FNTB: variants seen among roughly 807,000 people sequenced by gnomAD.
The protein encoded by FNTB is protein farnesyltransferase subunit beta.
A neutral mutation model predicts 59.4 loss-of-function variants in FNTB; 27 were observed. The ratio of observed to expected loss-of-function variants is 0.45; its 90% CI spans 0.34 to 0.63. FNTB has a LOEUF of 0.63. Among genes scored for constraint, FNTB ranks in the 20% least tolerant of loss-of-function variants. The pLI, the probability that FNTB is intolerant of heterozygous loss-of-function variation, is 0.02. For missense variants in FNTB, 449 were observed against 559.6 expected, an observed-to-expected ratio of 0.80 and a Z score of 1.99; for synonymous variants, 230 against 220.7, an observed-to-expected ratio of 1.04 and a Z score of -0.37.
intron 11 of FNTB, among the ~76,000 whole-genome samples, chr14:65,060,813 C>T (rs907291183): frequency 7.4e-6 from 1 of 135,606 alleles, no homozygotes; most frequent in Admixed American, 8.7e-5. Flanking sequence ...GCAGAGGTTG[C>T]AGTGAGCTAA....
In FNTB at chr14:65,014,330, A is replaced by G. The variant is rs1473349313; in HGVS notation, c.283-1295A>G. ...CATTTTGCCTTTGGAAGCCTTTCCT[A>G]GCTCCCCAGGCAGAATTAGTCAGTC... On this transcript the variant is annotated intron_variant, in intron 3 of 11. Coordinates refer to ENST00000246166, the MANE Select transcript of FNTB (RefSeq NM_002028.4). This position sits in a 1 kb window ranked among gnomAD's most constrained non-coding sequence, Gnocchi z 5.1. 6.6e-6 allele frequency among the ~76,000 whole-genome samples: 1 copy of G among 152,170 alleles called. No homozygotes were observed. The highest frequency in any genetic ancestry group is 1.5e-5 in the Non-Finnish European group (1 of 68,026).
chr14:65,044,941 G>A lies in FNTB; in HGVS notation c.955+498G>A, dbSNP rs1342219897. Among the ~76,000 whole-genome samples the A allele has an allele frequency of 2.6e-5, 4 of 152,148 alleles. No individual in the cohort carries two copies. In the South Asian group the frequency reaches 6.2e-4, roughly 24 times the overall value. On this transcript the variant is annotated intron_variant, in intron 9 of 11. Coordinates refer to ENST00000246166, the MANE Select transcript of FNTB (RefSeq NM_002028.4). This position sits in a 1 kb window ranked among gnomAD's most constrained non-coding sequence, Gnocchi z 5.5. ...CCCCTACACCATGGAGAAGAGACTC[G>A]CCGTGTCTGACTGGCTGCAGAGTTG...
intron 7 of FNTB, among the ~76,000 whole-genome samples, chr14:65,036,346 C>T (rs1443694752): frequency 1.3e-5 from 2 of 151,786 alleles, no homozygotes; most frequent in East Asian, 2.0e-4. Context: ...AAGTGATCCT[C>T]CTGCTTCAGC....
chr14:65,057,349 A>G (rs2062758901), intron 11 of FNTB, among the ~76,000 whole-genome samples: 2 of 152,182 alleles, frequency 1.3e-5, no homozygotes, highest in Admixed American at 1.3e-4. Flanking sequence ...GAATCGCTTG[A>G]GCCCAGGTAG....
In FNTB at chr14:64,991,768, A is replaced by T. The variant is rs1349780190; in HGVS notation, c.144+4671A>T. Among the ~76,000 whole-genome samples the T allele has an allele frequency of 6.6e-6, 1 of 152,114 alleles. No homozygotes were observed. Among genetic ancestry groups the T allele is most frequent in the African/African-American group, 2.4e-5 (1 of 41,406 alleles). ...GAACTGGGTGGGCTGTAAAAAATAG[A>T]GTTTGGGGCAGCCATTCAAGGAGGG... On this transcript the variant is annotated intron_variant, in intron 1 of 11. Coordinates refer to ENST00000246166, the MANE Select transcript of FNTB (RefSeq NM_002028.4). This position sits in a 1 kb window ranked among gnomAD's most constrained non-coding sequence, Gnocchi z 4.4.
chr14:65,004,933 G>T (rs1224315393), intron 2 of FNTB, among the ~76,000 whole-genome samples: 1 of 152,218 alleles, frequency 6.6e-6, no homozygotes, highest in East Asian at 1.9e-4. Flanking sequence ...AAAGTGCTGG[G>T]ATTACAGGCG....
At chr14:65,053,162 G>A (rs1403317374) in intron 9 of FNTB, 76 bp from the exon 10 acceptor site, 1 of 1,158,274 alleles carries the variant, frequency 8.6e-7, no homozygotes, top group African/African-American at 1.6e-5. Context: ...TATTCCCCCA[G>A]GTGAGAAAGT....
At chr14:65,055,789 T>A (rs890596515) in intron 11 of FNTB, among the ~76,000 whole-genome samples, 1 of 152,226 alleles carries the variant, frequency 6.6e-6, no homozygotes, top group Non-Finnish European at 1.5e-5. Flanking sequence ...GGTGCCAGGA[T>A]TACATGTGTG....
intron 7 of FNTB, among the ~76,000 whole-genome samples, chr14:65,036,401 T>G (rs2062194434): frequency 6.6e-6 from 1 of 151,026 alleles, no homozygotes; most frequent in African/African-American, 2.4e-5. Context: ...CACACCTGGC[T>G]AATTTTTGTG....
chr14:65,046,715 G>C (rs1043010127), intron 9 of FNTB, among the ~76,000 whole-genome samples: 2 of 152,098 alleles, frequency 1.3e-5, no homozygotes, highest in African/African-American at 4.8e-5. Context: ...AGTCAAAAGG[G>C]GATGCAGTGT....
chr14:64,987,408 C>T (rs1454488614), intron 1 of FNTB: 4 of 435,996 alleles, frequency 9.2e-6, no homozygotes, highest in East Asian at 8.9e-5. Context: ...CCGTGCGGGT[C>T]GGACAGCCCA....
intron 4 of FNTB, among the ~76,000 whole-genome samples, chr14:65,019,962 C>T (rs1442222436): frequency 6.6e-6 from 1 of 152,120 alleles, no homozygotes; most frequent in African/African-American, 2.4e-5. Context: ...GAAATGCGTT[C>T]AGTTTTCTTT....
chr14:65,036,277 C>T (rs1223415318), intron 7 of FNTB, among the ~76,000 whole-genome samples: 1 of 152,108 alleles, frequency 6.6e-6, no homozygotes, highest in African/African-American at 2.4e-5. Context: ...CACTTCGTCA[C>T]CCAGGCTGGA....
rs1390442867 is a variant in FNTB at position 65,028,741 on chromosome 14, A to G, written c.605+960A>G. Among the ~76,000 whole-genome samples, 1 of 152,254 alleles carries G rather than the reference A, an allele frequency of 6.6e-6. No homozygotes were observed. Among genetic ancestry groups the G allele is most frequent in the Non-Finnish European group, 1.5e-5 (1 of 68,034 alleles). On this transcript the variant is annotated intron_variant, in intron 6 of 11. Coordinates refer to ENST00000246166, the MANE Select transcript of FNTB (RefSeq NM_002028.4). The surrounding 1 kb of genome is among the most constrained non-coding windows in gnomAD (Gnocchi z 4.4). ...AAAAATTAGATTAGGATCTGTGTAT[A>G]CCAGTGAAACCAGTAGAACGACTGA...
At chr14:65,049,676 A>G (rs927436024) in intron 9 of FNTB, among the ~76,000 whole-genome samples, 1 of 152,196 alleles carries the variant, frequency 6.6e-6, no homozygotes, top group African/African-American at 2.4e-5. Context: ...GCCACAGGTT[A>G]TCATTTACCT....
intron 1 of FNTB, among the ~76,000 whole-genome samples, chr14:64,988,683 CG>C (rs1004281302): frequency 2.0e-5 from 3 of 152,112 alleles, no homozygotes; most frequent in Non-Finnish European, 4.4e-5. Context: ...CTGCCCTCCT[CG>C]GCCTCCTAGA....
chr14:65,053,227 C>A lies in FNTB; in HGVS notation c.956-11C>A. 7.3e-7 allele frequency: 1 copy of A among 1,367,778 alleles called. No individual in the cohort carries two copies. Among genetic ancestry groups the A allele is most frequent in the Non-Finnish European group, 9.5e-7 (1 of 1,049,684 alleles). 84.7% of individuals were successfully genotyped at this position (1,367,778 alleles called of 1,614,324 possible). A position where few individuals can be genotyped will look rare whatever the true frequency, so the allele number is the denominator to read the frequency against. On this transcript the variant is annotated splice_polypyrimidine_tract_variant and intron_variant, in intron 9 of 11. Transcript: ENST00000246166. ...CTGCCGGGCCCTTACTGACCCTTTG[C>A]CCTTCAACAGGTGACCCTGCCCTTA...
chr14:64,989,777 G>T (rs1888117097), intron 1 of FNTB, among the ~76,000 whole-genome samples: 1 of 152,222 alleles, frequency 6.6e-6, no homozygotes, highest in Non-Finnish European at 1.5e-5. Context: ...AACAAAAGAG[G>T]CCAAGTTGAT....
rs201739947 is a variant in FNTB at position 64,986,924 on chromosome 14, T to C, written c.-30T>C. ...CGCGTTGTTGCTTAACGAAGCAGAG[T>C]CCTACACACTGTCTGCTGCTCTCCT... is the stretch of plus-strand genomic sequence containing the variant. On this transcript the variant is annotated 5_prime_UTR_variant, in exon 1 of 12. Coordinates refer to ENST00000246166, the MANE Select transcript of FNTB (RefSeq NM_002028.4). 6.2e-7 allele frequency: 1 copy of C among 1,613,262 alleles called. No individual in the cohort carries two copies. Among genetic ancestry groups the C allele is most frequent in the African/African-American group, 1.3e-5 (1 of 75,020 alleles).
Sources: allele counts gnomAD v4.1 joint callset (sites outside exome capture counted in the v4.1 genomes callset), GRCh38; gene constraint gnomAD v4.1.1; non-coding constraint Gnocchi (gnomAD v3.1); transcripts MANE v1.5; gene names NCBI Gene and HGNC (gene_info 2026-07-23, HGNC 2026-07-21).